Variants in VAV3 observed in about 807,000 individuals in gnomAD.
VAV3 encodes guanine nucleotide exchange factor VAV3.
VAV3 carries 94 observed loss-of-function variants against 131.2 expected under a neutral mutation model. The observed-to-expected ratio is 0.72, with a 90% CI of 0.61 to 0.85. The LOEUF is 0.85. VAV3 is among the 40% of genes least tolerant of loss of function. VAV3 has a pLI of 0.00. For missense variants in VAV3, 939 were observed against 1,002.7 expected (o/e 0.94, Z 0.86); for synonymous variants, 349 against 342.0 (o/e 1.02, Z -0.22).
intron 2 of VAV3, among the ~76,000 whole-genome samples, chr1:107,855,032 A>G (rs144532210): frequency 3.9e-4 from 60 of 152,320 alleles, no homozygotes; most frequent in African/African-American, 1.3e-3. Context: ...ACACACAAAA[A>G]CAAAAGCATG....
chr1:107,620,959 A>G (rs1026447637), intron 20 of VAV3, among the ~76,000 whole-genome samples: 2 of 152,130 alleles, frequency 1.3e-5, no homozygotes, highest in African/African-American at 4.8e-5. Flanking sequence ...CTAGATGAAC[A>G]TATAATTTTC....
At chr1:107,578,922 A>T (rs2100997551) in intron 25 of VAV3, 1 of 984,502 alleles carries the variant, frequency 1.0e-6, no homozygotes, top group Non-Finnish European at 1.2e-6. Context: ...GTGAAAACAC[A>T]GTTAAATGCA....
intron 2 of VAV3, among the ~76,000 whole-genome samples, chr1:107,848,227 G>A (rs1467934477): frequency 2.6e-5 from 4 of 151,598 alleles, no homozygotes; most frequent in Non-Finnish European, 5.9e-5. Context: ...GCAGGAGAAT[G>A]GCGTGAACCC....
In VAV3 at chr1:107,903,417, G is replaced by T. The variant is rs76046087; in HGVS notation, c.205-28400C>A. On this transcript the variant is annotated intron_variant, in intron 1 of 26. Coordinates refer to ENST00000370056, the MANE Select transcript of VAV3 (RefSeq NM_006113.5). ...GGCATCCCCAAATGTGACCTCTGAG[G>T]GTACAAGCAGAAAGTAGAATGGAAT... is the stretch of plus-strand genomic sequence containing the variant. Among the ~76,000 whole-genome samples the T allele has an allele frequency of 5.0e-3, 757 of 152,112 alleles. 4 individuals are homozygous for T. Among genetic ancestry groups the T allele is most frequent in the African/African-American group, 0.017 (704 of 41,492 alleles).
At chr1:107,917,044 T>C (rs1672656890) in intron 1 of VAV3, among the ~76,000 whole-genome samples, 1 of 152,022 alleles carries the variant, frequency 6.6e-6, no homozygotes, top group South Asian at 2.1e-4. Flanking sequence ...GTCCAAAAAT[T>C]TAAATATCAA....
At chr1:107,763,292 T>C (rs982156849) in intron 9 of VAV3, among the ~76,000 whole-genome samples, 2 of 152,140 alleles carry the variant, frequency 1.3e-5, no homozygotes, top group Non-Finnish European at 2.9e-5. Context: ...TTTCCCTAAG[T>C]CGAGCATTGA....
At chr1:107,581,824 T>C (rs894246410) in intron 25 of VAV3, among the ~76,000 whole-genome samples, 1 of 152,210 alleles carries the variant, frequency 6.6e-6, no homozygotes, top group African/African-American at 2.4e-5. Context: ...TTCAGTAATA[T>C]TTGAAATTTT....
intron 20 of VAV3, among the ~76,000 whole-genome samples, chr1:107,624,356 T>C (rs932693615): frequency 6.8e-6 from 1 of 147,186 alleles, no homozygotes; most frequent in Non-Finnish European, 1.5e-5. Context: ...GATACAATCC[T>C]AAATTATAGT....
intron 1 of VAV3, among the ~76,000 whole-genome samples, chr1:107,919,442 A>G (rs369795638): frequency 2.0e-4 from 31 of 152,318 alleles, no homozygotes; most frequent in African/African-American, 7.2e-4. Flanking sequence ...ATAAACTGGA[A>G]AGTTGTCTAA....
At chr1:107,598,642 A>G (rs1297273951) in intron 24 of VAV3, among the ~76,000 whole-genome samples, 6 of 152,250 alleles carry the variant, frequency 3.9e-5, no homozygotes, top group African/African-American at 1.4e-4. Flanking sequence ...AGAAGTTTGT[A>G]TCTCCAAAAT....
chr1:107,922,824 C>T (rs185454806), intron 1 of VAV3, among the ~76,000 whole-genome samples: 9,950 of 151,722 alleles, frequency 0.066, 438 homozygotes, highest in Non-Finnish European at 0.093. Flanking sequence ...TGGTGGCGGG[C>T]GCCTGTAGTC....
chr1:107,901,846 C>T (rs1671870068), intron 1 of VAV3, among the ~76,000 whole-genome samples: 1 of 152,048 alleles, frequency 6.6e-6, no homozygotes, highest in Admixed American at 6.5e-5. Flanking sequence ...AGTTCGAGAT[C>T]AGCCTGGCCA....
Position 107,834,781 on chromosome 1 carries a change from T to C in VAV3, c.321+40120A>G, listed in dbSNP as rs533685110. On this transcript the variant is annotated intron_variant, in intron 2 of 26. Transcript: ENST00000370056. ...TGATGAGGAAGGAAGCTGGGAACTC[T>C]GCATGGGGTTGCTGAATGCCAGGAC... Among the ~76,000 whole-genome samples the C allele has an allele frequency of 1.4e-4, 21 of 152,214 alleles. No individual in the cohort carries two copies. In the South Asian group the frequency reaches 4.4e-3, roughly 32 times the overall value.
chr1:107,864,219 G>A (rs950646219), intron 2 of VAV3, among the ~76,000 whole-genome samples: 1 of 152,204 alleles, frequency 6.6e-6, no homozygotes, highest in Non-Finnish European at 1.5e-5. Context: ...TATCAGAGTT[G>A]AACAAACTGA....
intron 1 of VAV3, among the ~76,000 whole-genome samples, chr1:107,890,000 T>C (rs1449207963): frequency 6.6e-6 from 1 of 152,216 alleles, no homozygotes; most frequent in East Asian, 1.9e-4. Context: ...ATTACCTGCT[T>C]TTGATTTTAT....
chr1:107,802,129 G>A (rs1666856192), intron 2 of VAV3, among the ~76,000 whole-genome samples: 1 of 151,920 alleles, frequency 6.6e-6, no homozygotes, highest in African/African-American at 2.4e-5. Context: ...AAATGAGATT[G>A]CTTTCTTGAT....
In VAV3 at chr1:107,683,543, A is replaced by G; in HGVS notation, c.1732-10T>C. The G allele has an allele frequency of 6.2e-7, 1 of 1,613,616 alleles. No individual in the cohort carries two copies. The highest frequency in any genetic ancestry group is 1.3e-5 in the African/African-American group (1 of 75,058). ...GTCCATTGGTCCGTTTCTGTGCAGTAAAGTAAAACAAAGCAAAACAAATAT... is the reference window on the plus strand; with the variant it reads ...GTCCATTGGTCCGTTTCTGTGCAGTGAAGTAAAACAAAGCAAAACAAATAT... On this transcript the variant is annotated splice_polypyrimidine_tract_variant and intron_variant, in intron 18 of 26. Transcript: ENST00000370056.
At chr1:107,649,571 G>A (rs12064847) in intron 19 of VAV3, among the ~76,000 whole-genome samples, 8,984 of 151,106 alleles carry the variant, frequency 0.059, 655 homozygotes, top group African/African-American at 0.18. Context: ...CTTTTTTTTT[G>A]TTGTTGTTAA....
At chr1:107,646,179 C>G (rs1042576076) in intron 19 of VAV3, among the ~76,000 whole-genome samples, 2 of 151,582 alleles carry the variant, frequency 1.3e-5, no homozygotes, top group African/African-American at 4.9e-5. Flanking sequence ...AACTTGAACT[C>G]TAAGTTTCCT....
Sources: gnomAD v4.1 joint callset for allele counts (sites outside exome capture counted in the v4.1 genomes callset) on GRCh38, gnomAD v4.1.1 for gene constraint, MANE v1.5 for transcripts, NCBI Gene and HGNC (gene_info 2026-07-23, HGNC 2026-07-21) for gene names.